The following DDX17 variants were observed in gnomAD, a reference collection of about 807,000 sequenced individuals.
The protein encoded by DDX17 is probable ATP-dependent RNA helicase DDX17.
Under a neutral mutation model 80.8 loss-of-function variants are expected in DDX17, and 10 were observed. The ratio of observed to expected loss-of-function variants is 0.12; its 90% confidence interval spans 0.08 to 0.21. DDX17 has a LOEUF of 0.21. Ranked by LOEUF, DDX17 falls within the 10% of genes least tolerant of loss-of-function variation. The probability of loss-of-function intolerance (pLI) is 1.00; values close to 1 mark genes in which losing one functional copy is unlikely to be tolerated. For synonymous variants in DDX17, 339 were observed against 336.2 expected (o/e 1.01, Z -0.09); for missense variants, 586 against 957.4 (o/e 0.61, Z 5.12).
Position 38,484,016 on chromosome 22 carries a change from C to T in DDX17, c.*1919G>A, listed in dbSNP as rs1312356222. The T allele has an allele frequency of 5.2e-5, 8 of 152,540 alleles. 1 individual carries two copies. Among genetic ancestry groups the T allele is most frequent in the Admixed American group, 5.2e-4 (8 of 15,274 alleles). 9.4% of individuals were successfully genotyped at this position (152,540 alleles called of 1,614,324 possible). A position where few individuals can be genotyped will look rare whatever the true frequency, so the allele number is the denominator to read the frequency against. On this transcript the variant is annotated 3_prime_UTR_variant, in exon 13 of 13. Coordinates refer to ENST00000403230, the MANE Select transcript of DDX17 (RefSeq NM_006386.5). ...CAGAGACCTTTCCCTCAAACAGATG[C>T]TTTCAAGAGCTGCGAGAGAGTAGGG...
intron 2 of DDX17, among the ~76,000 whole-genome samples, chr22:38,500,888 T>C (rs1228795574): frequency 7.1e-6 from 1 of 140,928 alleles, no homozygotes; most frequent in Non-Finnish European, 1.5e-5. Context: ...CCTAGCACTT[T>C]GAAAAGCTGA....
In DDX17 at chr22:38,506,300, G is replaced by C; in HGVS notation, c.-63C>G. 1 of 1,479,780 alleles carries C rather than the reference G, an allele frequency of 6.8e-7. No individual in the cohort carries two copies. The highest frequency in any genetic ancestry group is 9.0e-7 in the Non-Finnish European group (1 of 1,115,248). 91.7% of individuals were successfully genotyped at this position (1,479,780 alleles called of 1,614,324 possible). On this transcript the variant is annotated 5_prime_UTR_variant, in exon 1 of 13. Transcript: ENST00000403230. ...GGCGTCTCCTTCCTTCCCAGCGACT[G>C]CACAAAATGGCGGCCGCCGCTGAGT...
At position 38,488,072 on chromosome 22, in the gene DDX17, G is replaced by A. The variant is rs777274488; in HGVS notation, c.1491C>T (p.Asn497=). The change falls in exon 12 of 13, where the codon AAC becomes AAT. Residue 497 remains asparagine, a synonymous_variant. Coordinates refer to ENST00000403230, the MANE Select transcript of DDX17 (RefSeq NM_006386.5). Reference sequence around the variant, plus strand: ...TACGGTGCACATAATCCTCTGAGCTGTTTGGATAGTCATAGTTGATCACAA... The same window carrying A: ...TACGGTGCACATAATCCTCTGAGCTATTTGGATAGTCATAGTTGATCACAA... 1.3e-5 allele frequency: 21 copies of A among 1,614,220 alleles called. No individual in the cohort carries two copies. The East Asian group carries it at 4.5e-4, about 34-fold the overall frequency.
At position 38,486,225 on chromosome 22, in the gene DDX17, T is replaced by G. The variant is rs780145261; in HGVS notation, c.1900A>C (p.Thr634Pro). 1.2e-6 allele frequency: 2 copies of G among 1,613,960 alleles called. No individual in the cohort carries two copies. Among genetic ancestry groups the G allele is most frequent in the Non-Finnish European group, 1.7e-6 (2 of 1,179,970 alleles). The change falls in exon 13 of 13, where the codon ACC (threonine) becomes CCC (proline). Residue 634 changes from threonine (T) to proline (P), a missense_variant. Physicochemically the swap from Thr to Pro is conservative, Grantham distance 38. Around this residue, in one of 4 missense-constraint regions of DDX17, gnomAD observed 221 missense variants for 261.4 expected, o/e 0.85. Coordinates refer to ENST00000403230, the MANE Select transcript of DDX17 (RefSeq NM_006386.5). The stretch of plus-strand genomic sequence containing the variant: ...GCCCCATAGGTGCCTTGACCATAGG[T>G]GTATTGGCCTGCTTGTGCTCCAAAG...
chr22:38,491,888 G>A (rs954542311), intron 11 of DDX17, 168 bp downstream of exon 11: 10 of 455,832 alleles, frequency 2.2e-5, no homozygotes, highest in African/African-American at 6.6e-5. Flanking sequence ...AAAAAATTGT[G>A]GGGGGGGCAG....
At position 38,506,274 on chromosome 22, in the gene DDX17, A is replaced by C. The variant is rs2089883629; in HGVS notation, c.-37T>G. 1 of 1,548,224 alleles carries C rather than the reference A, an allele frequency of 6.5e-7. No homozygotes were observed. The highest frequency in any genetic ancestry group is 1.4e-5 in the African/African-American group (1 of 71,756). The stretch of plus-strand genomic sequence containing the variant: ...CTCAAACCGGGCAGTGCCGCGGTTT[A>C]GGCGTCTCCTTCCTTCCCAGCGACT... On this transcript the variant is annotated 5_prime_UTR_variant, in exon 1 of 13. Transcript: ENST00000403230.
At position 38,488,130 on chromosome 22, in the gene DDX17, A is replaced by G. The variant is rs373838038; in HGVS notation, c.1448-15T>C. 21 of 1,614,028 alleles carry G rather than the reference A, an allele frequency of 1.3e-5. No individual in the cohort carries two copies. The East Asian group carries it at 4.2e-4, about 33-fold the overall frequency. The stretch of plus-strand genomic sequence containing the variant: ...ATCTTCCACATCTTCCACGTCAATG[A>G]TGAGTCAGTGTGTAGGTTGATGTGG... On this transcript the variant is annotated splice_polypyrimidine_tract_variant and intron_variant, in intron 11 of 12. Transcript: ENST00000403230.
rs1365353028 is a variant in DDX17 at position 38,489,922 on chromosome 22, C to T, written c.1448-1807G>A. 1 of 995,338 alleles carries T rather than the reference C, an allele frequency of 1.0e-6. No homozygotes were observed. The highest frequency in any genetic ancestry group is 1.2e-6 in the Non-Finnish European group (1 of 835,718). The allele number at this position is 995,338 out of a possible 1,614,324, so 61.7% of individuals were successfully genotyped here. A position where few individuals can be genotyped will look rare whatever the true frequency, so the allele number is the denominator to read the frequency against. ...CTTATGCAATCCCACTGCATATGAC[C>T]ATGGCAGTAGAACAAGTTCAATTAC... is the stretch of plus-strand genomic sequence containing the variant. On this transcript the variant is annotated intron_variant, in intron 11 of 12. Transcript: ENST00000403230. This position sits in a 1 kb window ranked among gnomAD's most constrained non-coding sequence, Gnocchi z 4.6.
In DDX17 at chr22:38,484,956, A is replaced by G. The variant is rs1881334874; in HGVS notation, c.*979T>C. 1 of 152,250 alleles carries G rather than the reference A, an allele frequency of 6.6e-6. No individual in the cohort carries two copies. The allele number at this position is 152,250 out of a possible 1,614,324, so 9.4% of individuals were successfully genotyped here. ...GGTGGCAAAGAGTTGCTTTTAATCT[A>G]GCTCTACACTGCATTTGAAAATAAA... On this transcript the variant is annotated 3_prime_UTR_variant, in exon 13 of 13. Transcript: ENST00000403230.
intron 2 of DDX17, among the ~76,000 whole-genome samples, chr22:38,500,759 G>A (rs2089819581): frequency 7.4e-6 from 1 of 135,958 alleles, no homozygotes; most frequent in Admixed American, 8.5e-5. Context: ...GGAGGTTGCA[G>A]TGAGCCAAGA....
Position 38,487,887 on chromosome 22 carries a change from C to A in DDX17, c.1676G>T (p.Gly559Val). The change falls in exon 12 of 13, where the codon GGA (glycine) becomes GTA (valine). Residue 559 changes from glycine to valine, a missense_variant. By Grantham distance (109) the Gly-to-Val change is moderately radical. Coordinates refer to ENST00000403230, the MANE Select transcript of DDX17 (RefSeq NM_006386.5). Reference sequence around the variant, plus strand: ...CCAGGACTTACCCTTACCCCCGCCTCCGCCGCCTCCTCTGTGGTCCACAAG... The same window carrying A: ...CCAGGACTTACCCTTACCCCCGCCTACGCCGCCTCCTCTGTGGTCCACAAG... 1 of 1,614,178 alleles carries A rather than the reference C, an allele frequency of 6.2e-7. No homozygotes were observed. Among genetic ancestry groups the A allele is most frequent in the African/African-American group, 1.3e-5 (1 of 75,054 alleles).
chr22:38,499,321 CAA>C lies in DDX17; in HGVS notation c.538+77_538+78del. 2.7e-5 allele frequency: 30 copies of C among 1,104,720 alleles called. No individual in the cohort carries two copies. The Middle Eastern group carries it at 7.9e-4, about 29-fold the overall frequency. The allele number at this position is 1,104,720 out of a possible 1,614,324, so 68.4% of individuals were successfully genotyped here. A position where few individuals can be genotyped will look rare whatever the true frequency, so the allele number is the denominator to read the frequency against. On this transcript the variant is annotated intron_variant, in intron 3 of 12. Coordinates refer to ENST00000403230, the MANE Select transcript of DDX17 (RefSeq NM_006386.5). ...TTTCAACAAAACCCCAAGCCTGGCT[CAA>C]AGAGTTTAACCTACTACCCTTGTCT... is the stretch of plus-strand genomic sequence containing the variant.
rs139150944 is a variant in DDX17 at position 38,504,108 on chromosome 22, T to C, written c.287+1843A>G. Among the ~76,000 whole-genome samples, 21 of 152,334 alleles carry C rather than the reference T, an allele frequency of 1.4e-4. No individual in the cohort carries two copies. In the East Asian group the frequency reaches 3.7e-3, roughly 27 times the overall value. Reference sequence around the variant, plus strand: ...CTATTAGTAACTTGTAGCCCCTCTATGTGCCTATTTCAAGCTTACAACTTT... The same window carrying C: ...CTATTAGTAACTTGTAGCCCCTCTACGTGCCTATTTCAAGCTTACAACTTT... On this transcript the variant is annotated intron_variant, in intron 1 of 12. Coordinates refer to ENST00000403230, the MANE Select transcript of DDX17 (RefSeq NM_006386.5).
intron 3 of DDX17, among the ~76,000 whole-genome samples, chr22:38,499,007 C>T (rs953599282): frequency 2.6e-5 from 4 of 152,100 alleles, no homozygotes; most frequent in African/African-American, 9.7e-5. Flanking sequence ...GTTGAGACTC[C>T]GTTTCCAAAA....
At chr22:38,498,754 G>T (rs1159654555) in intron 3 of DDX17, among the ~76,000 whole-genome samples, 181 bp from the exon 4 acceptor site, 1 of 152,170 alleles carries the variant, frequency 6.6e-6, no homozygotes, top group Admixed American at 6.6e-5. Context: ...GCCAGGCTAG[G>T]TGGCTCACGC....
At chr22:38,497,201 C>T (rs1408307996) in intron 5 of DDX17, among the ~76,000 whole-genome samples, 1 of 132,602 alleles carries the variant, frequency 7.5e-6, no homozygotes, top group East Asian at 2.3e-4. Flanking sequence ...GAAGCCGAGA[C>T]AGGAGAATCG....
At chr22:38,499,838 G>A (rs2089809302) in intron 2 of DDX17, among the ~76,000 whole-genome samples, 1 of 152,066 alleles carries the variant, frequency 6.6e-6, no homozygotes, top group South Asian at 2.1e-4. Context: ...TTCATGTGTA[G>A]AGTCCAAAAA....
intron 5 of DDX17, among the ~76,000 whole-genome samples, chr22:38,497,507 A>G (rs377099637): frequency 2.8e-4 from 41 of 148,134 alleles, no homozygotes; most frequent in African/African-American, 9.2e-4. Flanking sequence ...AATCCCAGCT[A>G]CTCGGGAGGC....
At chr22:38,503,045 C>G (rs1487049139) in intron 1 of DDX17, among the ~76,000 whole-genome samples, 2 of 152,198 alleles carry the variant, frequency 1.3e-5, no homozygotes, top group Non-Finnish European at 2.9e-5. Flanking sequence ...CTACACTCAA[C>G]AGGCAGAACT....
Sources: allele counts gnomAD v4.1 joint callset (sites outside exome capture counted in the v4.1 genomes callset), GRCh38; gene constraint gnomAD v4.1.1; regional missense constraint gnomAD v4.1.1; non-coding constraint Gnocchi (gnomAD v3.1); transcripts MANE v1.5; gene names NCBI Gene and HGNC (gene_info 2026-07-23, HGNC 2026-07-21).